Variants in ASAP1 observed in about 807,000 individuals in gnomAD.
The protein encoded by ASAP1 is ArfGAP with SH3 domain, ankyrin repeat and PH domain 1, also known as arf-GAP with SH3 domain, ANK repeat and PH domain-containing protein 1.
ASAP1 carries 43 observed loss-of-function variants against 145.2 expected under a neutral mutation model. The ratio of observed to expected loss-of-function variants is 0.30; its 90% CI spans 0.23 to 0.38. The LOEUF is 0.38. Ranked by LOEUF, ASAP1 falls within the 10% of genes least tolerant of loss-of-function variation. The pLI, the probability that ASAP1 is intolerant of heterozygous loss-of-function variation, is 1.00. For synonymous variants in ASAP1, 546 were observed against 515.5 expected, an observed-to-expected ratio of 1.06 and a Z score of -0.80; for missense variants, 1,018 against 1,355.3, an observed-to-expected ratio of 0.75 and a Z score of 3.91.
chr8:130,313,855 C>T (rs1823504484), intron 3 of ASAP1, among the ~76,000 whole-genome samples: 1 of 152,140 alleles, frequency 6.6e-6, no homozygotes, highest in Non-Finnish European at 1.5e-5. Flanking sequence ...TGTAAAGCAG[C>T]AGCCTGTCTG....
At chr8:130,063,248 C>A (rs1269237999) in intron 27 of ASAP1, among the ~76,000 whole-genome samples, 1 of 152,130 alleles carries the variant, frequency 6.6e-6, no homozygotes. Flanking sequence ...GCAATCAGGG[C>A]TCACTGCAAC....
At chr8:130,187,421 T>A in intron 6 of ASAP1, 136 bp from the exon 7 acceptor site, 3 of 167,252 alleles carry the variant, frequency 1.8e-5, no homozygotes, top group Non-Finnish European at 1.2e-5. Flanking sequence ...CGTTACACCA[T>A]TTTTTTTTTT....
chr8:130,139,204 G>A, intron 13 of ASAP1, among the ~76,000 whole-genome samples: 1 of 152,174 alleles, frequency 6.6e-6, no homozygotes, highest in East Asian at 1.9e-4. Context: ...TTAGTACAGA[G>A]GAGGGAAAGC....
intron 25 of ASAP1, 40 bp downstream of exon 25, chr8:130,091,933 T>C (rs368593713): frequency 1.1e-4 from 169 of 1,484,636 alleles, no homozygotes; most frequent in Non-Finnish European, 1.2e-4. Context: ...ACACGCTGCC[T>C]GGCCCCAGCA....
intron 24 of ASAP1, among the ~76,000 whole-genome samples, chr8:130,094,148 G>A (rs1284713071): frequency 2.0e-5 from 3 of 152,128 alleles, no homozygotes; most frequent in African/African-American, 7.2e-5. Flanking sequence ...TCTGTATAAT[G>A]CTTTGTAGTT....
At chr8:130,332,799 C>A (rs1824781962) in intron 3 of ASAP1, among the ~76,000 whole-genome samples, 1 of 152,068 alleles carries the variant, frequency 6.6e-6, no homozygotes, top group African/African-American at 2.4e-5. Flanking sequence ...ATGACTGATT[C>A]TAACTTGAAA....
chr8:130,394,840 A>G (rs1044260100), intron 2 of ASAP1, among the ~76,000 whole-genome samples: 4 of 152,168 alleles, frequency 2.6e-5, no homozygotes, highest in Non-Finnish European at 5.9e-5. Flanking sequence ...ACAAACAAAC[A>G]AACTCCTAAG....
chr8:130,358,151 G>A lies in ASAP1; in HGVS notation c.60-8C>T. ...GAGATCTGGTCCGGCATCCTGCCGG[G>A]AGGGACGAGACACAAGCGGGGGCGG... is the stretch of plus-strand genomic sequence containing the variant. On this transcript the variant is annotated splice_polypyrimidine_tract_variant and splice_region_variant and intron_variant, in intron 2 of 29. Coordinates refer to ENST00000518721, the MANE Select transcript of ASAP1 (RefSeq NM_018482.4). This position sits in a 1 kb window ranked among gnomAD's most constrained non-coding sequence, Gnocchi z 4.1. The A allele has an allele frequency of 6.3e-7, 1 of 1,599,978 alleles. No individual in the cohort carries two copies. The highest frequency in any genetic ancestry group is 8.5e-7 in the Non-Finnish European group (1 of 1,175,086).
At position 130,112,093 on chromosome 8, in the gene ASAP1, C is replaced by G; in HGVS notation, c.2401+1G>C. On this transcript the variant is annotated splice_donor_variant, in intron 24 of 29. Coordinates refer to ENST00000518721, the MANE Select transcript of ASAP1 (RefSeq NM_018482.4). LOFTEE classifies it high-confidence loss of function. ...TCACAAGCCCTTCTCAAAGCCCATACCTTTCCCGGCGTTCCTAGGAGGCAG... is the reference window on the plus strand; with the variant it reads ...TCACAAGCCCTTCTCAAAGCCCATAGCTTTCCCGGCGTTCCTAGGAGGCAG... The G allele has an allele frequency of 6.2e-7, 1 of 1,613,096 alleles. No homozygotes were observed. Among genetic ancestry groups the G allele is most frequent in the Non-Finnish European group, 8.5e-7 (1 of 1,179,258 alleles).
intron 24 of ASAP1, among the ~76,000 whole-genome samples, chr8:130,100,349 G>A (rs1461371598): frequency 6.7e-6 from 1 of 148,496 alleles, no homozygotes; most frequent in African/African-American, 2.5e-5. Context: ...TTTTTTTTGA[G>A]ACGGAGTTTC....
At chr8:130,188,300 C>A in intron 5 of ASAP1, 117 bp from the exon 6 acceptor site, 1 of 768,590 alleles carries the variant, frequency 1.3e-6, no homozygotes, top group South Asian at 1.5e-5. Context: ...AAGGGCTTTC[C>A]ATGCATTATT....
rs192726435 is a variant in ASAP1 at position 130,111,383 on chromosome 8, T to C, written c.2401+711A>G. On this transcript the variant is annotated intron_variant, in intron 24 of 29. Coordinates refer to ENST00000518721, the MANE Select transcript of ASAP1 (RefSeq NM_018482.4). ...AAAATTCCTCTCCAAGTACTGTCTC[T>C]GGAAAAATGTTCCTTATTAGAGAGT... is the stretch of plus-strand genomic sequence containing the variant. 2.0e-3 allele frequency among the ~76,000 whole-genome samples: 307 copies of C among 152,230 alleles called. 1 individual carries two copies. The highest frequency in any genetic ancestry group is 3.5e-3 in the Non-Finnish European group (236 of 68,010).
intron 3 of ASAP1, among the ~76,000 whole-genome samples, chr8:130,343,870 G>A (rs1825541321): frequency 6.6e-6 from 1 of 152,224 alleles, no homozygotes; most frequent in South Asian, 2.1e-4. Flanking sequence ...TGTTCATGAT[G>A]TGTTAAATGA....
At chr8:130,107,359 G>A (rs1277092141) in intron 24 of ASAP1, among the ~76,000 whole-genome samples, 3 of 151,424 alleles carry the variant, frequency 2.0e-5, no homozygotes, top group Admixed American at 2.0e-4. Context: ...ATTTTTGTTT[G>A]TATTTTTAGT....
chr8:130,403,413 T>C (rs1300331874), intron 1 of ASAP1, among the ~76,000 whole-genome samples: 1 of 152,176 alleles, frequency 6.6e-6, no homozygotes, highest in African/African-American at 2.4e-5. Context: ...ACCACTAGCT[T>C]AACATCCCTC....
At chr8:130,164,343 G>A (rs1256067798) in intron 11 of ASAP1, among the ~76,000 whole-genome samples, 1 of 152,196 alleles carries the variant, frequency 6.6e-6, no homozygotes, top group Non-Finnish European at 1.5e-5. Flanking sequence ...CCAGCACTTT[G>A]GGAGGCTGAG....
chr8:130,262,586 G>C (rs1206722897), intron 3 of ASAP1, among the ~76,000 whole-genome samples: 1 of 151,906 alleles, frequency 6.6e-6, no homozygotes, highest in Admixed American at 6.6e-5. Flanking sequence ...GGAATTCCTA[G>C]CTCCTCAAAT....
intron 3 of ASAP1, among the ~76,000 whole-genome samples, chr8:130,265,466 A>C (rs1162204355): frequency 6.6e-6 from 1 of 151,764 alleles, no homozygotes; most frequent in East Asian, 1.9e-4. Flanking sequence ...CCAGTGACTC[A>C]TGAGGCTGAA....
chr8:130,166,699 G>A (rs1288616633), intron 11 of ASAP1, among the ~76,000 whole-genome samples: 1 of 151,938 alleles, frequency 6.6e-6, no homozygotes, highest in African/African-American at 2.4e-5. Context: ...AACTGTGCCT[G>A]GCACACAGCA....
Sources: allele counts gnomAD v4.1 joint callset (sites outside exome capture counted in the v4.1 genomes callset), GRCh38; gene constraint gnomAD v4.1.1; non-coding constraint Gnocchi (gnomAD v3.1); transcripts MANE v1.5; gene names NCBI Gene and HGNC (gene_info 2026-07-23, HGNC 2026-07-21).